The following PCDHGA9 variants were observed in gnomAD, a reference collection of about 807,000 sequenced individuals.
The protein encoded by PCDHGA9 is protocadherin gamma-A9.
A neutral mutation model predicts 62.5 loss-of-function variants in PCDHGA9; 37 were observed. The observed-to-expected ratio is 0.59, with a 90% CI of 0.46 to 0.78. The LOEUF is 0.78. PCDHGA9 is among the 30% of genes least tolerant of loss of function. PCDHGA9 has a pLI of 0.00. For synonymous variants in PCDHGA9, 459 were observed against 484.6 expected, an observed-to-expected ratio of 0.95 and a Z score of 0.69; for missense variants, 1,138 against 1,166.2, an observed-to-expected ratio of 0.98 and a Z score of 0.35.
At chr5:141,417,955 G>C in intron 1 of PCDHGA9, 2 of 1,613,634 alleles carry the variant, frequency 1.2e-6, no homozygotes, top group Middle Eastern at 1.7e-4. Flanking sequence ...TGTGTGAGCC[G>C]ATCCGCTACT....
Position 141,491,886 on chromosome 5 carries a change from G to A in PCDHGA9, c.2425-2921G>A. On this transcript the variant is annotated intron_variant, in intron 1 of 3. Coordinates refer to ENST00000573521, the MANE Select transcript of PCDHGA9 (RefSeq NM_018921.3). The surrounding 1 kb of genome is among the most constrained non-coding windows in gnomAD (Gnocchi z 6.9). ...CCAGAGTGGCCGATTAAGGGATGGG[G>A]CTCCGAGCACCGGGGGTGGTGGCGA... 6.9e-7 allele frequency: 1 copy of A among 1,445,558 alleles called. No individual in the cohort carries two copies. Among genetic ancestry groups the A allele is most frequent in the Non-Finnish European group, 9.1e-7 (1 of 1,093,458 alleles). 89.5% of individuals were successfully genotyped at this position (1,445,558 alleles called of 1,614,324 possible). A position where few individuals can be genotyped will look rare whatever the true frequency, so the allele number is the denominator to read the frequency against.
Position 141,485,342 on chromosome 5 carries a change from G to C in PCDHGA9, c.2425-9465G>C. 1.2e-6 allele frequency: 2 copies of C among 1,614,164 alleles called. No individual in the cohort carries two copies. Among genetic ancestry groups the C allele is most frequent in the Non-Finnish European group, 1.7e-6 (2 of 1,180,026 alleles). On this transcript the variant is annotated intron_variant, in intron 1 of 3. Coordinates refer to ENST00000573521, the MANE Select transcript of PCDHGA9 (RefSeq NM_018921.3). The surrounding 1 kb of genome is among the most constrained non-coding windows in gnomAD (Gnocchi z 5.7). The stretch of plus-strand genomic sequence containing the variant: ...CGCTCAAGATTTCCTGCTGGATACG[G>C]ACAGTCTGTCAGCTCGCAGGCTGCA...
At position 141,404,973 on chromosome 5, in the gene PCDHGA9, A is replaced by T; in HGVS notation, c.2021A>T (p.Asp674Val). 6.2e-7 allele frequency: 1 copy of T among 1,613,952 alleles called. No homozygotes were observed. The highest frequency in any genetic ancestry group is 1.1e-5 in the South Asian group (1 of 91,084). The stretch of plus-strand genomic sequence containing the variant: ...GACAGCATCCCAGACATCCTGGCTG[A>T]CCTGGGCAGTCTTCAGATCCCTGCA... ...IADSIPDILA[D>V]LGSLQIPADL... Residue 674 changes from aspartate (D) to valine (V), a missense_variant, in exon 1 of 4, where the codon GAC becomes GTC. Physicochemically the swap from Asp to Val is radical, Grantham distance 152 (BLOSUM62 -3). Coordinates refer to ENST00000573521, the MANE Select transcript of PCDHGA9 (RefSeq NM_018921.3).
chr5:141,433,921 T>G (rs1203867326), intron 1 of PCDHGA9, among the ~76,000 whole-genome samples: 2 of 152,012 alleles, frequency 1.3e-5, no homozygotes, highest in African/African-American at 4.8e-5. Flanking sequence ...CACCTCCAAA[T>G]GAAGATTTTA....
chr5:141,413,212 G>C, intron 1 of PCDHGA9: 2 of 1,613,268 alleles, frequency 1.2e-6, no homozygotes, highest in Middle Eastern at 1.7e-4. Flanking sequence ...GGAATCAAAG[G>C]ATTGCAGCGG....
chr5:141,426,369 A>G, intron 1 of PCDHGA9: 1 of 205,906 alleles, frequency 4.9e-6, no homozygotes, highest in Non-Finnish European at 1.0e-5. Context: ...TCTGCGGGGC[A>G]CCCTCGGAGC....
chr5:141,423,531 C>T, intron 1 of PCDHGA9: 1 of 1,613,736 alleles, frequency 6.2e-7, no homozygotes, highest in South Asian at 1.1e-5. Context: ...AGAAGAGTCA[C>T]CTGATTTTCC....
chr5:141,426,865 T>G (rs2096965950), intron 1 of PCDHGA9: 1 of 456,600 alleles, frequency 2.2e-6, no homozygotes, highest in African/African-American at 2.0e-5. Flanking sequence ...GAATTAGTGC[T>G]GGAGAAGCCC....
chr5:141,405,038 G>T lies in PCDHGA9; in HGVS notation c.2086G>T (p.Ala696Ser). The T allele has an allele frequency of 6.2e-7, 1 of 1,613,964 alleles. No homozygotes were observed. Among genetic ancestry groups the T allele is most frequent in the Non-Finnish European group, 8.5e-7 (1 of 1,179,864 alleles). The change falls in exon 1 of 4, where the codon GCT (alanine) becomes TCT (serine). Residue 696 changes from alanine to serine, a missense_variant. By Grantham distance (99) the Ala-to-Ser change is moderately conservative. Coordinates refer to ENST00000573521, the MANE Select transcript of PCDHGA9 (RefSeq NM_018921.3). ...AGACCTTACCCTCTACCTCGTTGTG[G>T]CTGTGGCAGTCGTCTCCTGTGTCTT... ...ASDLTLYLVV[A>S]VAVVSCVFLT...
intron 1 of PCDHGA9, among the ~76,000 whole-genome samples, chr5:141,443,505 A>G (rs553893860): frequency 4.4e-4 from 67 of 152,222 alleles, no homozygotes; most frequent in African/African-American, 1.4e-3. Context: ...AAACAAATAA[A>G]GAGCTTCTCT....
At chr5:141,488,762 C>T (rs1470160100) in intron 1 of PCDHGA9, among the ~76,000 whole-genome samples, 1 of 152,142 alleles carries the variant, frequency 6.6e-6, no homozygotes, top group Non-Finnish European at 1.5e-5. Context: ...TGGGACAGAA[C>T]GCTGAGGAGT....
chr5:141,483,716 G>C (rs772661472), intron 1 of PCDHGA9, among the ~76,000 whole-genome samples: 1 of 151,974 alleles, frequency 6.6e-6, no homozygotes, highest in Non-Finnish European at 1.5e-5. Context: ...CCAGAATATT[G>C]GTTCCCACCA....
chr5:141,410,066 C>G, intron 1 of PCDHGA9: 1 of 1,612,912 alleles, frequency 6.2e-7, no homozygotes, highest in Non-Finnish European at 8.5e-7. Context: ...CCTGGGGCTG[C>G]GCACTGGGGA....
rs766042374 is a variant in PCDHGA9 at position 141,418,520 on chromosome 5, C to A, written c.2424+13144C>A. ...GACCGCCTTAGATGGTGGGGACCCTCCCCGAAGCGGTACTGCTCAGATAAG... is the reference window on the plus strand; with the variant it reads ...GACCGCCTTAGATGGTGGGGACCCTACCCGAAGCGGTACTGCTCAGATAAG... On this transcript the variant is annotated intron_variant, in intron 1 of 3. Transcript: ENST00000573521. 6 of 1,613,818 alleles carry A rather than the reference C, an allele frequency of 3.7e-6. No individual in the cohort carries two copies. The highest frequency in any genetic ancestry group is 5.1e-6 in the Non-Finnish European group (6 of 1,179,890).
chr5:141,507,287 C>G (rs79707942), intron 3 of PCDHGA9: 1 of 148,974 alleles, frequency 6.7e-6, no homozygotes, highest in East Asian at 1.9e-4. Context: ...AAGTCAGTCT[C>G]AAATGTTGCA....
chr5:141,412,827 A>G (rs977931124), intron 1 of PCDHGA9, among the ~76,000 whole-genome samples: 2 of 152,236 alleles, frequency 1.3e-5, no homozygotes, highest in Non-Finnish European at 2.9e-5. Context: ...ATAGTAAATT[A>G]TTTAAAGATA....
At chr5:141,478,039 G>A (rs764777183) in intron 1 of PCDHGA9, 29 of 1,613,978 alleles carry the variant, frequency 1.8e-5, no homozygotes, top group Non-Finnish European at 2.5e-5. Flanking sequence ...ATTCACCCAG[G>A]CAGACTCTCA....
intron 1 of PCDHGA9, among the ~76,000 whole-genome samples, chr5:141,480,272 G>A (rs903112862): frequency 7.2e-6 from 1 of 138,796 alleles, no homozygotes; most frequent in African/African-American, 3.0e-5. Flanking sequence ...TTCATTAGCT[G>A]GGTGTGTTGG....
At chr5:141,426,896 C>A in intron 1 of PCDHGA9, 1 of 456,782 alleles carries the variant, frequency 2.2e-6, no homozygotes, top group Non-Finnish European at 4.4e-6. Context: ...AGCAACAGAG[C>A]TCTCATCTCC....
Sources: allele counts gnomAD v4.1 joint callset (sites outside exome capture counted in the v4.1 genomes callset), GRCh38; gene constraint gnomAD v4.1.1; non-coding constraint Gnocchi (gnomAD v3.1); transcripts MANE v1.5; gene names NCBI Gene and HGNC (gene_info 2026-07-23, HGNC 2026-07-21).